Variants in TTBK2 observed in about 807,000 individuals in gnomAD.
The protein encoded by TTBK2 is tau tubulin kinase 2, also known as tau-tubulin kinase 2.
In TTBK2, 28 loss-of-function variants were observed where a neutral mutation model predicts 110.8. That is an observed-to-expected ratio of 0.25 (90% CI 0.19 to 0.35). The LOEUF is 0.35. Ranked by LOEUF, TTBK2 falls within the 10% of genes least tolerant of loss-of-function variation. TTBK2 has a pLI of 1.00. For synonymous variants in TTBK2, 532 were observed against 527.3 expected, an observed-to-expected ratio of 1.01 and a Z score of -0.12; for missense variants, 1,369 against 1,500.3, an observed-to-expected ratio of 0.91 and a Z score of 1.45.
At chr15:42,793,896 T>C (rs1890813873) in intron 10 of TTBK2, among the ~76,000 whole-genome samples, 1 of 151,794 alleles carries the variant, frequency 6.6e-6, no homozygotes. Context: ...TTAACTTAAA[T>C]TGTATGATAA....
intron 1 of TTBK2, among the ~76,000 whole-genome samples, chr15:42,880,541 C>T (rs1326722790): frequency 6.6e-6 from 1 of 152,054 alleles, no homozygotes; most frequent in Non-Finnish European, 1.5e-5. Flanking sequence ...CACGCACTAC[C>T]ATACCTGGAT....
chr15:42,896,407 C>A (rs1050370095), intron 1 of TTBK2, among the ~76,000 whole-genome samples: 4 of 152,066 alleles, frequency 2.6e-5, no homozygotes, highest in African/African-American at 9.7e-5. Context: ...AATTGTATTT[C>A]CATATGTAAA....
intron 9 of TTBK2, among the ~76,000 whole-genome samples, chr15:42,797,823 A>G (rs1033260882): frequency 1.6e-3 from 236 of 152,180 alleles, no homozygotes; most frequent in African/African-American, 5.3e-3. Flanking sequence ...ATATATATAT[A>G]TGTGTGTGCC....
chr15:42,854,128 G>T (rs928027794), intron 3 of TTBK2, among the ~76,000 whole-genome samples: 2 of 151,952 alleles, frequency 1.3e-5, no homozygotes, highest in African/African-American at 4.8e-5. Flanking sequence ...TAGAGACAGG[G>T]TCTCTCGCTA....
intron 3 of TTBK2, among the ~76,000 whole-genome samples, chr15:42,841,409 C>T (rs998144328): frequency 2.0e-5 from 3 of 152,004 alleles, no homozygotes; most frequent in African/African-American, 7.2e-5. Context: ...TGGGGTTTTA[C>T]CATATTGCCC....
intron 9 of TTBK2, chr15:42,800,411 T>C: frequency 3.0e-6 from 1 of 337,972 alleles, no homozygotes; most frequent in Non-Finnish European, 5.7e-6. Context: ...TAGCACAAAA[T>C]GCAATCAATA....
At chr15:42,903,092 A>C (rs1596042798) in intron 1 of TTBK2, among the ~76,000 whole-genome samples, 1 of 151,838 alleles carries the variant, frequency 6.6e-6, no homozygotes, top group Non-Finnish European at 1.5e-5. Context: ...CCCATGAGCC[A>C]CCGTGCCCGG....
intron 11 of TTBK2, among the ~76,000 whole-genome samples, chr15:42,778,597 G>A (rs1273588445): frequency 1.3e-5 from 2 of 152,188 alleles, no homozygotes; most frequent in Non-Finnish European, 2.9e-5. Context: ...GAACCCAGGA[G>A]ACGGAGGTTG....
intron 3 of TTBK2, among the ~76,000 whole-genome samples, chr15:42,864,084 C>T (rs1595997567): frequency 6.6e-6 from 1 of 152,096 alleles, no homozygotes; most frequent in South Asian, 2.1e-4. Context: ...ACAGGTGGGA[C>T]CTATTTGAAC....
intron 14 of TTBK2, among the ~76,000 whole-genome samples, chr15:42,751,578 A>T (rs1365713640): frequency 6.6e-6 from 1 of 152,120 alleles, no homozygotes; most frequent in African/African-American, 2.4e-5. Context: ...CTCTAGTTTA[A>T]AAAAATAAAA....
At chr15:42,783,370 C>A (rs759532435) in intron 11 of TTBK2, 49 bp downstream of exon 11, 5 of 1,586,486 alleles carry the variant, frequency 3.2e-6, no homozygotes, top group South Asian at 2.2e-5. Flanking sequence ...ACTTCCCAGC[C>A]TTCTGAACTG....
intron 1 of TTBK2, among the ~76,000 whole-genome samples, chr15:42,888,284 G>A (rs748296371): frequency 4.6e-5 from 7 of 151,624 alleles, no homozygotes; most frequent in Non-Finnish European, 7.4e-5. Context: ...CTCACACTTC[G>A]TTGAGTCTCC....
At chr15:42,778,962 A>C (rs1265576297) in intron 11 of TTBK2, among the ~76,000 whole-genome samples, 1 of 152,248 alleles carries the variant, frequency 6.6e-6, no homozygotes, top group Non-Finnish European at 1.5e-5. Context: ...AAAACGCAGA[A>C]CACCACAGAC....
intron 9 of TTBK2, among the ~76,000 whole-genome samples, chr15:42,797,792 T>C (rs1281747316): frequency 1.3e-5 from 2 of 152,168 alleles, no homozygotes; most frequent in Non-Finnish European, 2.9e-5. Flanking sequence ...GTATATGTAG[T>C]GTGTGAATAC....
intron 1 of TTBK2, among the ~76,000 whole-genome samples, chr15:42,917,409 T>C (rs2031139491): frequency 6.6e-6 from 1 of 152,136 alleles, no homozygotes; most frequent in Non-Finnish European, 1.5e-5. Context: ...ATTCATATTA[T>C]GTTATAATAT....
chr15:42,794,197 A>T (rs116731507), intron 10 of TTBK2, among the ~76,000 whole-genome samples: 1,942 of 152,272 alleles, frequency 0.013, 39 homozygotes, highest in African/African-American at 0.044. Flanking sequence ...AAAAACTAAG[A>T]TCACGGAAAT....
chr15:42,818,931 A>G (rs1315919745), intron 6 of TTBK2, among the ~76,000 whole-genome samples: 1 of 149,412 alleles, frequency 6.7e-6, no homozygotes, highest in African/African-American at 2.4e-5. Flanking sequence ...TCAAAAAAAA[A>G]AAACAAAAAA....
intron 8 of TTBK2, among the ~76,000 whole-genome samples, chr15:42,811,343 G>A (rs1483068334): frequency 6.6e-6 from 1 of 152,036 alleles, no homozygotes; most frequent in East Asian, 1.9e-4. Flanking sequence ...CAACACATGT[G>A]TTTACAGTTT....
chr15:42,879,359 T>C (rs1894945197), intron 1 of TTBK2, among the ~76,000 whole-genome samples: 2 of 152,158 alleles, frequency 1.3e-5, no homozygotes, highest in Admixed American at 1.3e-4. Context: ...TGCTGTACTT[T>C]GTAGAAAAAG....
Sources: gnomAD v4.1 joint callset for allele counts (sites outside exome capture counted in the v4.1 genomes callset) on GRCh38, gnomAD v4.1.1 for gene constraint, MANE v1.5 for transcripts, NCBI Gene and HGNC (gene_info 2026-07-23, HGNC 2026-07-21) for gene names.